The following ABCA13 variants were observed in gnomAD, a reference collection of about 807,000 sequenced individuals.
ABCA13 encodes ATP binding cassette subfamily A member 13.
A neutral mutation model predicts 478.7 loss-of-function variants in ABCA13; 476 were observed. That is an observed-to-expected ratio of 0.99 (90% confidence interval 0.92 to 1.07). ABCA13 has a LOEUF of 1.07. ABCA13 is among the 50% of genes least tolerant of loss of function. ABCA13 has a pLI of 0.00. For missense variants in ABCA13, 6,060 were observed against 5,910.6 expected, an observed-to-expected ratio of 1.03 and a Z score of -0.83; for synonymous variants, 2,252 against 2,158.9, an observed-to-expected ratio of 1.04 and a Z score of -1.20.
In ABCA13 at chr7:48,481,153, A is replaced by G; in HGVS notation, c.13093A>G (p.Arg4365Gly). 2 of 1,569,704 alleles carry G rather than the reference A, an allele frequency of 1.3e-6. No individual in the cohort carries two copies. The highest frequency in any genetic ancestry group is 1.7e-6 in the Non-Finnish European group (2 of 1,153,692). ...EYLLAPSEKP[R>G]LGGWSFGLKI... ...CTTGCTGGCACCATCTGAAAAACCA[A>G]GGTGTGTTCAATACTCTTGTTGGGT... The change falls in exon 46 of 62, where the codon AGG (arginine) becomes GGG (glycine). Residue 4365 changes from arginine to glycine, a missense_variant and splice_region_variant. This residue lies in a region of ABCA13 where 1,627 missense variants were observed against 1,571.0 expected (regional missense o/e 1.04). Transcript: ENST00000435803.
At chr7:48,519,440 G>A (rs911973645) in intron 52 of ABCA13, among the ~76,000 whole-genome samples, 1 of 152,132 alleles carries the variant, frequency 6.6e-6, no homozygotes, top group Non-Finnish European at 1.5e-5. Flanking sequence ...ATTAACCATT[G>A]TGTTTACAAA....
rs1360484179 is a variant in ABCA13, at chr7:48,310,084, G to GTA, written c.9461_9462dup (p.Ser3155IlefsTer3). ...TCTGTAGCCTGCCAGGGTCAAAAGT[G>GTA]TATTCTCTGATTGTGTTGCTGAGTC... On this transcript the variant is annotated frameshift_variant, in exon 24 of 62. Transcript: ENST00000435803. LOFTEE classifies it high-confidence loss of function. 1 of 1,613,698 alleles carries GTA rather than the reference G, an allele frequency of 6.2e-7. No individual in the cohort carries two copies. Among genetic ancestry groups the GTA allele is most frequent in the African/African-American group, 1.3e-5 (1 of 74,938 alleles).
At chr7:48,544,155 C>T (rs1047430200) in intron 55 of ABCA13, among the ~76,000 whole-genome samples, 4 of 151,036 alleles carry the variant, frequency 2.6e-5, no homozygotes, top group South Asian at 2.1e-4. Flanking sequence ...TTATCTAAAA[C>T]GATTATATTA....
chr7:48,508,154 G>A, intron 50 of ABCA13, 105 bp downstream of exon 50: 3 of 1,425,128 alleles, frequency 2.1e-6, no homozygotes, highest in African/African-American at 2.8e-5. Context: ...GCCTTGGAGT[G>A]TCCACAAAAA....
At chr7:48,370,341 G>A (rs1474760273) in intron 32 of ABCA13, among the ~76,000 whole-genome samples, 2 of 152,080 alleles carry the variant, frequency 1.3e-5, no homozygotes, top group African/African-American at 4.8e-5. Context: ...TCAACAAACA[G>A]CAACAGTTTG....
chr7:48,564,271 C>CT lies in ABCA13; in HGVS notation c.14355-15942dup, dbSNP rs72461939. Among the ~76,000 whole-genome samples the CT allele has an allele frequency of 3.3e-4, 49 of 146,956 alleles. 1 individual carries two copies. The highest frequency in any genetic ancestry group is 8.6e-4 in the South Asian group (4 of 4,644). The stretch of plus-strand genomic sequence containing the variant: ...AATAATAACCTCAATTTATCCATGT[C>CT]TTTTTTTTTTTGAGGTAAAATACAT... On this transcript the variant is annotated intron_variant, in intron 55 of 61. Transcript: ENST00000435803.
In ABCA13 at chr7:48,278,366, A is replaced by C; in HGVS notation, c.7172A>C (p.Gln2391Pro). Residue 2391 changes from glutamine to proline, a missense_variant, in exon 18 of 62, where the codon CAG (glutamine) becomes CCG (proline). By Grantham distance (76) the Gln-to-Pro change is moderately conservative. Around this residue, in one of 3 missense-constraint regions of ABCA13, gnomAD observed 4,423 missense variants for 4,309.1 expected, o/e 1.03. Coordinates refer to ENST00000435803, the MANE Select transcript of ABCA13 (RefSeq NM_152701.5). ...NNIDFFTVVS[Q>P]LFFHVNKSED... is the part of the protein sequence containing the mutation. The stretch of plus-strand genomic sequence containing the variant: ...ATAGACTTTTTCACAGTGGTGAGTC[A>C]GTTGTTTTTCCATGTGAATAAGTCT... 1 of 1,613,790 alleles carries C rather than the reference A, an allele frequency of 6.2e-7. No individual in the cohort carries two copies. The highest frequency in any genetic ancestry group is 8.5e-7 in the Non-Finnish European group (1 of 1,179,812).
chr7:48,465,169 A>G (rs2130108463), intron 43 of ABCA13, among the ~76,000 whole-genome samples: 1 of 152,348 alleles, frequency 6.6e-6, no homozygotes, highest in South Asian at 2.1e-4. Flanking sequence ...TTCAAAACGC[A>G]TAGGTAACAA....
chr7:48,225,139 T>TGCCTGCCTGCCTG (rs1562817337), intron 5 of ABCA13, among the ~76,000 whole-genome samples: 16 of 66,188 alleles, frequency 2.4e-4, no homozygotes, highest in African/African-American at 9.1e-4. Flanking sequence ...CTGCCTGCCT[T>TGCCTGCCTGCCTG]CCTTCCTTCC....
In ABCA13 at chr7:48,383,335, G is replaced by A. The variant is rs531257808; in HGVS notation, c.11336-4487G>A. Among the ~76,000 whole-genome samples the A allele has an allele frequency of 1.1e-3, 161 of 152,318 alleles. 1 individual carries two copies. The highest frequency in any genetic ancestry group is 1.7e-3 in the Non-Finnish European group (116 of 68,022). Reference sequence around the variant, plus strand: ...TATGTGCATGTGTACATGTGTACTCGTGTGTGAATGCCTGTGTGTGTGCAT... The same window carrying A: ...TATGTGCATGTGTACATGTGTACTCATGTGTGAATGCCTGTGTGTGTGCAT... On this transcript the variant is annotated intron_variant, in intron 35 of 61. Transcript: ENST00000435803.
intron 3 of ABCA13, among the ~76,000 whole-genome samples, chr7:48,207,684 T>C (rs949433853): frequency 5.3e-5 from 8 of 152,254 alleles, no homozygotes; most frequent in Admixed American, 2.0e-4. Flanking sequence ...GCTTGTTATA[T>C]ATTCTGGTTA....
chr7:48,205,351 G>C (rs1484881954), intron 3 of ABCA13, among the ~76,000 whole-genome samples: 2 of 152,024 alleles, frequency 1.3e-5, no homozygotes, highest in Admixed American at 1.3e-4. Context: ...TATTTTTTCA[G>C]TTGTATTATT....
intron 32 of ABCA13, among the ~76,000 whole-genome samples, chr7:48,368,147 A>G (rs979425435): frequency 1.3e-5 from 2 of 152,158 alleles, no homozygotes; most frequent in African/African-American, 2.4e-5. Flanking sequence ...GCCACATGAG[A>G]TTGCAAGAAC....
At chr7:48,245,814 T>A in intron 12 of ABCA13, 49 bp from the exon 13 acceptor site, 1 of 1,554,538 alleles carries the variant, frequency 6.4e-7, no homozygotes, top group Middle Eastern at 1.7e-4. Flanking sequence ...GAAGAGGGTA[T>A]CTAAGCCTCT....
Position 48,278,265 on chromosome 7 carries a change from A to G in ABCA13, c.7071A>G (p.Gln2357=), listed in dbSNP as rs1350399774. The G allele has an allele frequency of 1.2e-6, 2 of 1,611,810 alleles. No individual in the cohort carries two copies. The highest frequency in any genetic ancestry group is 1.1e-5 in the South Asian group (1 of 90,846). ...GAGAATTTTATTTTGATACTCATCA[A>G]GGACTGAAGTTCATGCAAGATTTAT... ...DNGEFYFDTH[Q]GLKFMQDLFN... Residue 2357 remains glutamine (Q), a synonymous_variant, in exon 18 of 62, where the codon CAA becomes CAG. Coordinates refer to ENST00000435803, the MANE Select transcript of ABCA13 (RefSeq NM_152701.5).
chr7:48,263,268 CA>C (rs1297138801), intron 15 of ABCA13, among the ~76,000 whole-genome samples: 2 of 151,962 alleles, frequency 1.3e-5, no homozygotes, highest in Admixed American at 6.6e-5. Flanking sequence ...TTAGGTTATA[CA>C]TTCTTTATTT....
intron 31 of ABCA13, among the ~76,000 whole-genome samples, chr7:48,355,819 GA>G (rs1356749273): frequency 6.6e-6 from 1 of 151,996 alleles, no homozygotes; most frequent in African/African-American, 2.4e-5. Context: ...AACTATAATA[GA>G]AAAACTGTGG....
chr7:48,366,036 C>T (rs759304007), intron 31 of ABCA13, among the ~76,000 whole-genome samples: 1 of 152,030 alleles, frequency 6.6e-6, no homozygotes, highest in Non-Finnish European at 1.5e-5. Flanking sequence ...CCAGAATAAC[C>T]AAAGCTATCT....
chr7:48,403,838 C>T lies in ABCA13; in HGVS notation c.12029C>T (p.Ser4010Phe), dbSNP rs1310173250. The change falls in exon 39 of 62, where the codon TCC becomes TTC. Residue 4010 changes from serine to phenylalanine, a missense_variant. Ser to Phe is a radical substitution (Grantham distance 155). Around this residue, in one of 3 missense-constraint regions of ABCA13, gnomAD observed 1,627 missense variants for 1,571.0 expected, o/e 1.04. Coordinates refer to ENST00000435803, the MANE Select transcript of ABCA13 (RefSeq NM_152701.5). ...CCCACCAGTGGGGTGGACCCTTGCT[C>T]CCGGCATAGCCTGTGGGACATTCTG... ...DEPTSGVDPC[S>F]RHSLWDILLK... The T allele has an allele frequency of 1.9e-6, 3 of 1,613,602 alleles. No individual in the cohort carries two copies. The highest frequency in any genetic ancestry group is 1.7e-5 in the Admixed American group (1 of 60,014).
Sources: allele counts gnomAD v4.1 joint callset (sites outside exome capture counted in the v4.1 genomes callset), GRCh38; gene constraint gnomAD v4.1.1; regional missense constraint gnomAD v4.1.1; transcripts MANE v1.5; gene names NCBI Gene and HGNC (gene_info 2026-07-23, HGNC 2026-07-21).